TMC5: variants seen among roughly 807,000 people sequenced by gnomAD.
The protein encoded by TMC5 is transmembrane channel like 5, also known as transmembrane channel-like protein 5.
In TMC5, 86 loss-of-function variants were observed where a neutral mutation model predicts 110.5. The observed-to-expected ratio is 0.78, with a 90% CI of 0.65 to 0.93. TMC5 has a LOEUF of 0.93. Ranked by LOEUF, TMC5 falls within the 40% of genes least tolerant of loss-of-function variation. The pLI, the probability that TMC5 is intolerant of heterozygous loss-of-function variation, is 0.00. For missense variants in TMC5, 1,144 were observed against 1,222.8 expected (o/e 0.94, Z 0.96); for synonymous variants, 455 against 439.5 (o/e 1.04, Z -0.44).
chr16:19,498,175 A>G lies in TMC5; in HGVS notation c.*209A>G. ...ACCTGGATTGCTGATTTTTCAAGAC[A>G]AAATACTTGGGGTTTTCCAATAAAG... On this transcript the variant is annotated 3_prime_UTR_variant, in exon 22 of 22. Coordinates refer to ENST00000542583, the MANE Select transcript of TMC5 (RefSeq NM_001261841.2). The G allele has an allele frequency of 1.8e-6, 1 of 565,954 alleles. No homozygotes were observed. Among genetic ancestry groups the G allele is most frequent in the Non-Finnish European group, 3.1e-6 (1 of 318,746 alleles). The allele number at this position is 565,954 out of a possible 1,614,324, so 35.1% of individuals were successfully genotyped here. A position where few individuals can be genotyped will look rare whatever the true frequency, so the allele number is the denominator to read the frequency against.
At chr16:19,493,229 A>G (rs8058991) in intron 19 of TMC5, among the ~76,000 whole-genome samples, 96,028 of 151,200 alleles carry the variant, frequency 0.64, 32,060 homozygotes, top group South Asian at 0.76. Flanking sequence ...CCAAAGTGCT[A>G]AGATTACAGG....
In TMC5 at chr16:19,440,649, A is replaced by T; in HGVS notation, c.611A>T (p.Lys204Met). Residue 204 changes from lysine (K) to methionine (M), a missense_variant, in exon 3 of 22, where the codon AAG (lysine) becomes ATG (methionine). By Grantham distance (95) the Lys-to-Met change is moderately conservative. Transcript: ENST00000542583. ...AATCCATACGCAGACTCTCTGGGAA[A>T]GCCTGATTATCCAGGCGCTGACATT... ...RINPYADSLGKPDYPGADIQP... is the reference protein window; with the variant it reads ...RINPYADSLGMPDYPGADIQP... 1 of 1,614,232 alleles carries T rather than the reference A, an allele frequency of 6.2e-7. No individual in the cohort carries two copies. The highest frequency in any genetic ancestry group is 1.3e-5 in the African/African-American group (1 of 75,062).
At chr16:19,483,824 G>A (rs898406418) in intron 15 of TMC5, among the ~76,000 whole-genome samples, 2 of 151,318 alleles carry the variant, frequency 1.3e-5, no homozygotes, top group Non-Finnish European at 2.9e-5. Flanking sequence ...GGTGGCTCAC[G>A]CCTGTAATCC....
chr16:19,460,427 G>A lies in TMC5; in HGVS notation c.1148+93G>A. The A allele has an allele frequency of 5.8e-6, 5 of 866,116 alleles. 1 individual carries two copies. The Middle Eastern group carries it at 1.1e-3, about 199-fold the overall frequency. The allele number at this position is 866,116 out of a possible 1,614,324, so 53.7% of individuals were successfully genotyped here. On this transcript the variant is annotated intron_variant, in intron 6 of 21. Coordinates refer to ENST00000542583, the MANE Select transcript of TMC5 (RefSeq NM_001261841.2). ...TCTCAAAAAGATAAGAAATAAATAA[G>A]CACAATAGAAGAGACAAATATTCCT...
At chr16:19,433,847 G>A (rs1967244193) in intron 2 of TMC5, among the ~76,000 whole-genome samples, 1 of 149,934 alleles carries the variant, frequency 6.7e-6, no homozygotes, top group South Asian at 2.1e-4. Flanking sequence ...TTGAGACAGG[G>A]TCTCATTCTG....
At position 19,480,997 on chromosome 16, in the gene TMC5, T is replaced by A. The variant is rs889444055; in HGVS notation, c.2268-373T>A. Among the ~76,000 whole-genome samples the A allele has an allele frequency of 6.6e-5, 10 of 152,122 alleles. 1 individual carries two copies. In the East Asian group the frequency reaches 1.9e-3, roughly 29 times the overall value. Reference sequence around the variant, plus strand: ...ATAGCAGCAACCAAAAATTTAAAAATGTTTATTTGAGTTGAGAGGTGCTGA... The same window carrying A: ...ATAGCAGCAACCAAAAATTTAAAAAAGTTTATTTGAGTTGAGAGGTGCTGA... On this transcript the variant is annotated intron_variant, in intron 14 of 21. Coordinates refer to ENST00000542583, the MANE Select transcript of TMC5 (RefSeq NM_001261841.2).
Position 19,494,267 on chromosome 16 carries a change from C to G in TMC5, c.2832C>G (p.Gly944=). The stretch of plus-strand genomic sequence containing the variant: ...TTTGTTTTCCTTCTTGGTAGGAGGG[C>G]AAAGATAAAATGTTCCTGATAGAAA... ...RLLHEQIINE[G]KDKMFLIEKL... Residue 944 remains glycine (G), a synonymous_variant, in exon 20 of 22, where the codon GGC becomes GGG. Coordinates refer to ENST00000542583, the MANE Select transcript of TMC5 (RefSeq NM_001261841.2). The G allele has an allele frequency of 6.2e-7, 1 of 1,610,172 alleles. No individual in the cohort carries two copies. The highest frequency in any genetic ancestry group is 1.1e-5 in the South Asian group (1 of 90,476).
chr16:19,456,213 A>G (rs1224030145), intron 5 of TMC5, among the ~76,000 whole-genome samples: 1 of 144,298 alleles, frequency 6.9e-6, no homozygotes, highest in Non-Finnish European at 1.5e-5. Context: ...TCTCAAAAAA[A>G]AAAATATATA....
upstream of TMC5, among the ~76,000 whole-genome samples, chr16:19,413,819 C>G (rs1966864218): frequency 6.6e-6 from 1 of 152,170 alleles, no homozygotes; most frequent in Non-Finnish European, 1.5e-5. Context: ...CTGCCACTTT[C>G]TTGCCTCTGC....
At position 19,429,165 on chromosome 16, in the gene TMC5, T is replaced by C. The variant is rs572558414; in HGVS notation, c.-307-1248T>C. Reference sequence around the variant, plus strand: ...CCTATTCATAGGTTTGATCTTGCTGTCTTGAAACCACAGACCTTATTTTCT... The same window carrying C: ...CCTATTCATAGGTTTGATCTTGCTGCCTTGAAACCACAGACCTTATTTTCT... On this transcript the variant is annotated intron_variant, in intron 1 of 21. Transcript: ENST00000542583. Among the ~76,000 whole-genome samples the C allele has an allele frequency of 4.9e-4, 74 of 152,288 alleles. 1 individual carries two copies. Among genetic ancestry groups the C allele is most frequent in the Admixed American group, 2.0e-3 (30 of 15,290 alleles).
chr16:19,491,779 C>T (rs549054552), intron 18 of TMC5, among the ~76,000 whole-genome samples: 8 of 152,168 alleles, frequency 5.3e-5, no homozygotes, highest in African/African-American at 9.6e-5. Context: ...TCAAGTGATC[C>T]GCCCGCCTTG....
At chr16:19,461,430 C>T (rs541695247) in intron 6 of TMC5, among the ~76,000 whole-genome samples, 54 of 151,764 alleles carry the variant, frequency 3.6e-4, no homozygotes, top group African/African-American at 1.0e-3. Flanking sequence ...AAAACTTAGC[C>T]GGGTGTGGTG....
chr16:19,463,797 A>C lies in TMC5; in HGVS notation c.1258A>C (p.Ser420Arg). The change falls in exon 8 of 22, where the codon AGC becomes CGC. Residue 420 changes from serine to arginine, a missense_variant. Coordinates refer to ENST00000542583, the MANE Select transcript of TMC5 (RefSeq NM_001261841.2). ...ISRAYRRSKN[S>R]LSEILNSISL... ...CCAGGCTTATCGGAGATCCAAGAACAGCCTGTCGGAAATTCTGAATTCCAT... is the reference window on the plus strand; with the variant it reads ...CCAGGCTTATCGGAGATCCAAGAACCGCCTGTCGGAAATTCTGAATTCCAT... 1 of 1,614,216 alleles carries C rather than the reference A, an allele frequency of 6.2e-7. No homozygotes were observed. The highest frequency in any genetic ancestry group is 1.1e-5 in the South Asian group (1 of 91,082).
chr16:19,451,330 C>T (rs1016635356), intron 5 of TMC5, among the ~76,000 whole-genome samples: 1 of 152,132 alleles, frequency 6.6e-6, no homozygotes, highest in Non-Finnish European at 1.5e-5. Flanking sequence ...CCGTTAGCCT[C>T]ATCCTTCAAG....
At chr16:19,488,981 C>T (rs983037000) in intron 17 of TMC5, among the ~76,000 whole-genome samples, 1 of 152,204 alleles carries the variant, frequency 6.6e-6, no homozygotes, top group Non-Finnish European at 1.5e-5. Context: ...CTGGGGCTCT[C>T]AGTTCCTTGC....
intron 21 of TMC5, 62 bp downstream of exon 21, chr16:19,497,225 C>A: frequency 6.5e-7 from 1 of 1,541,090 alleles, no homozygotes; most frequent in Non-Finnish European, 8.9e-7. Flanking sequence ...TATCCTAAGA[C>A]AAGTGTAAGA....
At chr16:19,443,203 TTCAGAAC>T (rs1404056000) in intron 3 of TMC5, among the ~76,000 whole-genome samples, 1 of 152,200 alleles carries the variant, frequency 6.6e-6, no homozygotes, top group Non-Finnish European at 1.5e-5. Context: ...CAGTCAAACC[TTCAGAAC>T]TTCTGATTCA....
At chr16:19,468,450 T>A (rs1275951171) in intron 9 of TMC5, among the ~76,000 whole-genome samples, 1 of 151,926 alleles carries the variant, frequency 6.6e-6, no homozygotes, top group African/African-American at 2.4e-5. Context: ...GCATAGACTC[T>A]TTGGAAGGCT....
chr16:19,460,446 T>A (rs1429282915), intron 6 of TMC5, 112 bp downstream of exon 6: 3 of 694,184 alleles, frequency 4.3e-6, no homozygotes, highest in Non-Finnish European at 7.0e-6. Flanking sequence ...AAGAGACAAA[T>A]ATTCCTGACA....
Sources: allele counts gnomAD v4.1 joint callset (sites outside exome capture counted in the v4.1 genomes callset), GRCh38; gene constraint gnomAD v4.1.1; transcripts MANE v1.5; gene names NCBI Gene and HGNC (gene_info 2026-07-23, HGNC 2026-07-21).